DST: variants seen among roughly 807,000 people sequenced by gnomAD.
DST encodes dystonin, also known as bullous pemphigoid antigen.
Under a neutral mutation model 875.2 loss-of-function variants are expected in DST, and 253 were observed. The ratio of observed to expected loss-of-function variants is 0.29; its 90% CI spans 0.26 to 0.32. The LOEUF is 0.32. Ranked by LOEUF, DST falls within the 10% of genes least tolerant of loss-of-function variation. The pLI, the probability that DST is intolerant of heterozygous loss-of-function variation, is 1.00. For synonymous variants in DST, 3,124 were observed against 3,197.1 expected (o/e 0.98, Z 0.77); for missense variants, 8,287 against 9,111.6 (o/e 0.91, Z 3.68).
In DST at chr6:56,608,628, G is replaced by A. The variant is rs2098518242; in HGVS notation, c.6000C>T (p.Asn2000=). ...QLLSGGLINS[N]SGQRMTVEEA... ...CTTCAACAGTCATTCTTTGGCCAGA[G>A]TTGGAATTGATCAGACCTCCAGAAA... Residue 2000 remains asparagine (N), a synonymous_variant, in exon 40 of 104, where the codon AAC becomes AAT. Transcript: ENST00000680361. 5.6e-6 allele frequency: 9 copies of A among 1,613,328 alleles called. No individual in the cohort carries two copies. The East Asian group carries it at 2.0e-4, about 36-fold the overall frequency.
intron 9 of DST, among the ~76,000 whole-genome samples, chr6:56,685,216 C>G (rs1588528626): frequency 6.6e-6 from 1 of 152,154 alleles, no homozygotes; most frequent in East Asian, 1.9e-4. Context: ...TACTTTTAAC[C>G]TGGAATAAAT....
At chr6:56,567,949 G>A (rs907225875) in intron 55 of DST, among the ~76,000 whole-genome samples, 5 of 152,078 alleles carry the variant, frequency 3.3e-5, no homozygotes, top group African/African-American at 9.7e-5. Context: ...CTTAGATTGC[G>A]ATACAGATAT....
At chr6:56,599,316 T>A (rs1223578335) in intron 45 of DST, among the ~76,000 whole-genome samples, 1 of 152,110 alleles carries the variant, frequency 6.6e-6, no homozygotes, top group Admixed American at 6.6e-5. Context: ...ATTCTCTATA[T>A]GATACTGAGT....
At chr6:56,806,004 T>C (rs1314329287) in intron 4 of DST, among the ~76,000 whole-genome samples, 1 of 152,222 alleles carries the variant, frequency 6.6e-6, no homozygotes, top group African/African-American at 2.4e-5. Flanking sequence ...CTGACAGTGC[T>C]GACATGCAAA....
At chr6:56,851,673 T>C in intron 3 of DST, 69 bp from the exon 4 acceptor site, 1 of 1,560,780 alleles carries the variant, frequency 6.4e-7, no homozygotes, top group South Asian at 1.2e-5. Flanking sequence ...TTTAAACATC[T>C]CCCCCACCAA....
At position 56,608,118 on chromosome 6, in the gene DST, G is replaced by C. The variant is rs554539791; in HGVS notation, c.6510C>G (p.Pro2170=). ...CTTGTCTGTAATCATGAACTGTGGA[G>C]GGTTGAAATTTACAAAAAGAGAGCC... ...RRWLSFCKFQ[P]STVHDYRQEE... Residue 2170 remains proline (P), a synonymous_variant, in exon 40 of 104, where the codon CCC becomes CCG. Transcript: ENST00000680361. 4.3e-6 allele frequency: 7 copies of C among 1,613,628 alleles called. No individual in the cohort carries two copies. The highest frequency in any genetic ancestry group is 4.5e-5 in the East Asian group (2 of 44,862).
chr6:56,579,649 A>G (rs2097929075), intron 49 of DST, among the ~76,000 whole-genome samples: 1 of 152,072 alleles, frequency 6.6e-6, no homozygotes, highest in African/African-American at 2.4e-5. Flanking sequence ...TGGGAGAACC[A>G]CTCCCTGCAG....
intron 2 of DST, among the ~76,000 whole-genome samples, chr6:56,904,482 C>T (rs988172180): frequency 6.6e-6 from 1 of 152,274 alleles, no homozygotes; most frequent in Non-Finnish European, 1.5e-5. Flanking sequence ...ATCCACATTA[C>T]GTACTCAGAA....
chr6:56,772,893 T>C (rs2099670183), intron 4 of DST, among the ~76,000 whole-genome samples: 1 of 152,162 alleles, frequency 6.6e-6, no homozygotes, highest in Non-Finnish European at 1.5e-5. Context: ...AATGGTACGT[T>C]ACTTCCAAGA....
chr6:56,786,922 G>A (rs912362308), intron 4 of DST, among the ~76,000 whole-genome samples: 2 of 152,168 alleles, frequency 1.3e-5, no homozygotes, highest in South Asian at 2.1e-4. Context: ...ACCTGAATGT[G>A]GGCAATGTGG....
chr6:56,734,340 T>A lies in DST; in HGVS notation c.687+888A>T, dbSNP rs541437948. 2.0e-5 allele frequency among the ~76,000 whole-genome samples: 3 copies of A among 152,374 alleles called. No homozygotes were observed. The East Asian group carries it at 5.8e-4, about 29-fold the overall frequency. On this transcript the variant is annotated intron_variant, in intron 5 of 103. Coordinates refer to ENST00000680361, the MANE Select transcript of DST (RefSeq NM_001374736.1). ...ATCCATGAAATAAAAATCACTTTTA[T>A]AGAAGATGACTAAACGCAATTTACA... is the stretch of plus-strand genomic sequence containing the variant.
chr6:56,710,390 T>C (rs2099358464), intron 5 of DST, among the ~76,000 whole-genome samples: 1 of 152,152 alleles, frequency 6.6e-6, no homozygotes, highest in African/African-American at 2.4e-5. Context: ...GAAACATAAA[T>C]AATAAAAGAA....
chr6:56,577,522 G>A (rs2097891414), intron 50 of DST, among the ~76,000 whole-genome samples: 1 of 152,144 alleles, frequency 6.6e-6, no homozygotes, highest in Admixed American at 6.6e-5. Context: ...GATGCAGGCT[G>A]AAGATCATTT....
At chr6:56,723,176 G>A (rs1045789720) in intron 5 of DST, among the ~76,000 whole-genome samples, 3 of 152,230 alleles carry the variant, frequency 2.0e-5, no homozygotes, top group African/African-American at 7.2e-5. Context: ...GTTAGGGTAT[G>A]AGAATTTTAG....
At position 56,697,565 on chromosome 6, in the gene DST, AT is replaced by A. The variant is rs368852742; in HGVS notation, c.1047+2087del. On this transcript the variant is annotated intron_variant, in intron 9 of 103. Coordinates refer to ENST00000680361, the MANE Select transcript of DST (RefSeq NM_001374736.1). ...AAAGGAAAGTGATGAACAGAAACAC[AT>A]TTTTTTTTAAGCTCAAAGTAGTAAC... Among the ~76,000 whole-genome samples, 169 of 151,700 alleles carry A rather than the reference AT, an allele frequency of 1.1e-3. 1 individual carries two copies. In the East Asian group the frequency reaches 0.028, roughly 25 times the overall value.
intron 93 of DST, among the ~76,000 whole-genome samples, chr6:56,472,432 A>G (rs574079291): frequency 6.6e-6 from 1 of 152,328 alleles, no homozygotes; most frequent in Non-Finnish European, 1.5e-5. Context: ...ATTTAAAGAA[A>G]TATCTCTGGA....
chr6:56,678,191 A>T (rs1180905377), intron 9 of DST, among the ~76,000 whole-genome samples: 1 of 152,220 alleles, frequency 6.6e-6, no homozygotes, highest in South Asian at 2.1e-4. Context: ...CTGGACACCC[A>T]AATGCCATCT....
At chr6:56,575,560 G>C (rs187047505) in intron 50 of DST, among the ~76,000 whole-genome samples, 1 of 152,228 alleles carries the variant, frequency 6.6e-6, no homozygotes, top group East Asian at 1.9e-4. Flanking sequence ...TAACAGATTT[G>C]AGTGTTAGTT....
At chr6:56,624,282 G>A in intron 36 of DST, 1 of 621,590 alleles carries the variant, frequency 1.6e-6, no homozygotes, top group Non-Finnish European at 2.9e-6. Flanking sequence ...CCATATTAGA[G>A]TCCTGAAGTG....
Sources: allele counts gnomAD v4.1 joint callset (sites outside exome capture counted in the v4.1 genomes callset), GRCh38; gene constraint gnomAD v4.1.1; transcripts MANE v1.5; gene names NCBI Gene and HGNC (gene_info 2026-07-23, HGNC 2026-07-21).